MED12L: variants seen among roughly 807,000 people sequenced by gnomAD.
The protein encoded by MED12L is mediator complex subunit 12L, also known as mediator of RNA polymerase II transcription subunit 12-like protein.
In MED12L, 60 loss-of-function variants were observed where a neutral mutation model predicts 281.3. The ratio of observed to expected loss-of-function variants is 0.21; its 90% CI spans 0.17 to 0.26. The LOEUF (loss-of-function observed/expected upper bound fraction) is 0.26. Among genes scored for constraint, MED12L ranks in the 10% least tolerant of loss-of-function variants. The pLI, the probability that MED12L is intolerant of heterozygous loss-of-function variation, is 1.00. For synonymous variants in MED12L, 974 were observed against 987.2 expected, an observed-to-expected ratio of 0.99 and a Z score of 0.25; for missense variants, 2,146 against 2,680.9, an observed-to-expected ratio of 0.80 and a Z score of 4.41.
At chr3:151,245,036 C>T (rs1735096678) in intron 16 of MED12L, among the ~76,000 whole-genome samples, 1 of 152,214 alleles carries the variant, frequency 6.6e-6, no homozygotes, top group South Asian at 2.1e-4. Context: ...GGATAAATTC[C>T]TTGACACATA....
At chr3:151,194,091 G>A (rs147281626) in intron 16 of MED12L, among the ~76,000 whole-genome samples, 1 of 149,574 alleles carries the variant, frequency 6.7e-6, no homozygotes, top group Non-Finnish European at 1.5e-5. Context: ...TCAGCCTCCC[G>A]AGTAGCTGGG....
intron 26 of MED12L, among the ~76,000 whole-genome samples, chr3:151,372,002 T>C (rs1756248483): frequency 1.3e-5 from 2 of 152,138 alleles, no homozygotes; most frequent in South Asian, 4.1e-4. Flanking sequence ...AAAACAGGGG[T>C]TATTCAATGA....
rs1716701527 is a variant in MED12L, at chr3:151,409,329, A to G, written c.5907A>G (p.Ala1969=). 6.2e-7 allele frequency: 1 copy of G among 1,614,002 alleles called. No individual in the cohort carries two copies. Among genetic ancestry groups the G allele is most frequent in the Admixed American group, 1.7e-5 (1 of 60,022 alleles). The part of the protein sequence containing the change: ...QLPQYPGLQQ[A]QTMPQGYTMY... Reference sequence around the variant, plus strand: ...CTCAGTATCCAGGGCTGCAGCAAGCACAGGTACCCACATTTGCTTTGTAGG... The same window carrying G: ...CTCAGTATCCAGGGCTGCAGCAAGCGCAGGTACCCACATTTGCTTTGTAGG... Residue 1969 remains alanine, a synonymous_variant, in exon 40 of 45, where the codon GCA becomes GCG. Transcript: ENST00000687756.
intron 6 of MED12L, among the ~76,000 whole-genome samples, chr3:151,158,337 C>A (rs142538421): frequency 6.6e-6 from 1 of 152,164 alleles, no homozygotes; most frequent in East Asian, 1.9e-4. Flanking sequence ...TGCTTATCTT[C>A]TTTATAATTA....
At chr3:151,317,960 T>C (rs545680968) in intron 16 of MED12L, among the ~76,000 whole-genome samples, 3 of 152,286 alleles carry the variant, frequency 2.0e-5, no homozygotes, top group African/African-American at 4.8e-5. Context: ...TATTACTTAG[T>C]GTTTACTTGT....
chr3:151,336,558 A>G, intron 16 of MED12L: 1 of 456,196 alleles, frequency 2.2e-6, no homozygotes, highest in Non-Finnish European at 4.4e-6. Context: ...GAGGATCATA[A>G]AAAATTGAGA....
intron 16 of MED12L, among the ~76,000 whole-genome samples, chr3:151,262,741 GAAT>G (rs1489852497): frequency 2.1e-5 from 3 of 143,968 alleles, no homozygotes; most frequent in Admixed American, 1.4e-4. Context: ...AAGATAACAG[GAAT>G]AATAATAATA....
intron 16 of MED12L, among the ~76,000 whole-genome samples, chr3:151,344,911 C>T (rs1752345343): frequency 6.6e-6 from 1 of 152,274 alleles, no homozygotes; most frequent in African/African-American, 2.4e-5. Flanking sequence ...TTTGTCAACA[C>T]ATACACATTT....
chr3:151,326,162 A>G (rs1749563537), intron 16 of MED12L: 1 of 152,542 alleles, frequency 6.6e-6, no homozygotes, highest in African/African-American at 2.4e-5. Context: ...GGAGCACCAC[A>G]ATTTTCAGGC....
intron 5 of MED12L, among the ~76,000 whole-genome samples, chr3:151,141,187 G>GTTTTTTTGTTTTTTTGTTTTTTT (rs376743895): frequency 1.0e-5 from 1 of 99,108 alleles, no homozygotes; most frequent in African/African-American, 4.8e-5. Flanking sequence ...TGTTTTTTTT[G>GTTTTTTTGTTTTTTTGTTTTTTT]TTTTTTTTTT....
At chr3:151,241,449 A>G (rs73021201) in intron 16 of MED12L, among the ~76,000 whole-genome samples, 72,573 of 151,984 alleles carry the variant, frequency 0.48, 17,684 homozygotes, top group Middle Eastern at 0.62. Flanking sequence ...CTAGCGACTT[A>G]TTAAATGTTT....
intron 16 of MED12L, among the ~76,000 whole-genome samples, chr3:151,223,114 A>G (rs969886799): frequency 6.7e-6 from 1 of 150,298 alleles, no homozygotes; most frequent in Non-Finnish European, 1.5e-5. Flanking sequence ...AGTATGGAAC[A>G]TGTGCTGGTT....
intron 19 of MED12L, 34 bp downstream of exon 19, chr3:151,356,073 G>C (rs866355665): frequency 1.3e-6 from 2 of 1,592,202 alleles, no homozygotes; most frequent in South Asian, 1.1e-5. Flanking sequence ...TTACTTTTAG[G>C]AAAGCAAATC....
At chr3:151,193,860 A>C (rs148039717) in intron 16 of MED12L, 194 bp downstream of exon 16, 387 of 452,694 alleles carry the variant, frequency 8.5e-4, no homozygotes, top group Middle Eastern at 6.7e-3. Flanking sequence ...TAGTGATATT[A>C]GTGGCTAATT....
chr3:151,387,002 G>T (rs1157318910), intron 36 of MED12L, among the ~76,000 whole-genome samples: 2 of 152,194 alleles, frequency 1.3e-5, no homozygotes, highest in Non-Finnish European at 2.9e-5. Context: ...GAGCCACTGT[G>T]CCTGGCCTGA....
chr3:151,383,154 GAGA>G (rs1712705483), intron 33 of MED12L, among the ~76,000 whole-genome samples: 1 of 152,208 alleles, frequency 6.6e-6, no homozygotes. Flanking sequence ...AAATCCCACA[GAGA>G]AGTTTTATAG....
At chr3:151,248,415 T>G (rs1736178666) in intron 16 of MED12L, among the ~76,000 whole-genome samples, 1 of 152,148 alleles carries the variant, frequency 6.6e-6, no homozygotes, top group Admixed American at 6.6e-5. Flanking sequence ...TAGCATTTTG[T>G]GCTTTTAAAC....
intron 16 of MED12L, chr3:151,300,134 G>A (rs559966510): frequency 1.2e-5 from 19 of 1,548,604 alleles, no homozygotes; most frequent in African/African-American, 5.4e-5. Context: ...GCAAAGATGC[G>A]TGTCAGGAAA....
At chr3:151,340,724 G>T (rs1209089741) in intron 16 of MED12L, 1 of 152,556 alleles carries the variant, frequency 6.6e-6, no homozygotes, top group African/African-American at 2.4e-5. Flanking sequence ...TGTGATAGAG[G>T]ATTTCCTGAG....
Sources: allele counts gnomAD v4.1 joint callset (sites outside exome capture counted in the v4.1 genomes callset), GRCh38; gene constraint gnomAD v4.1.1; transcripts MANE v1.5; gene names NCBI Gene and HGNC (gene_info 2026-07-23, HGNC 2026-07-21).